Variants in USP9Y observed in about 807,000 individuals in gnomAD.
USP9Y encodes ubiquitin specific peptidase 9 Y-linked.
USP9Y carries 41 observed loss-of-function variants against 53.1 expected under a neutral mutation model. That is an observed-to-expected ratio of 0.77 (90% CI 0.60 to 1.00). The LOEUF (loss-of-function observed/expected upper bound fraction) is 1.00, where lower values mean the gene tolerates loss of function less well. Among genes scored for constraint, USP9Y ranks in the 50% least tolerant of loss-of-function variants. The pLI, the probability that USP9Y is intolerant of heterozygous loss-of-function variation, is 0.00. For missense variants in USP9Y, 567 were observed against 535.8 expected, an observed-to-expected ratio of 1.06 and a Z score of -0.58; for synonymous variants, 220 against 173.7, an observed-to-expected ratio of 1.27 and a Z score of -2.09.
In USP9Y at chrY:12,823,453, G is replaced by C. The variant is rs1603202480; in HGVS notation, c.5021+4843G>C. ...CTTAGTCTTTCATCATTAAAACCTT[G>C]TCTTAGACAAGCTTGTCCAACCTGC... On this transcript the variant is annotated intron_variant, in intron 33 of 45. Transcript: ENST00000338981. 2.1e-4 allele frequency among the ~76,000 whole-genome samples: 7 copies of C among 33,260 alleles called. No homozygotes were observed. In the East Asian group the frequency reaches 5.5e-3, roughly 26 times the overall value. 89.2% of individuals were successfully genotyped at this position (33,260 alleles called of 37,273 possible).
intron 18 of USP9Y, among the ~76,000 whole-genome samples, chrY:12,776,069 C>T (rs938715298): frequency 6.3e-5 from 2 of 31,793 alleles, no homozygotes; most frequent in Admixed American, 2.9e-4. Context: ...TGGGCTCATG[C>T]TATCGTCCCT....
chrY:12,859,826 A>G lies in USP9Y; in HGVS notation c.*410A>G. On this transcript the variant is annotated 3_prime_UTR_variant, in exon 46 of 46. Transcript: ENST00000338981. ...TGGTCAACTTACCAACTTCCCCCCA[A>G]AAAAGGGAACATAAAAGAGCCCATC... 2.7e-5 allele frequency: 1 copy of G among 37,686 alleles called. No individual in the cohort carries two copies. 9.4% of individuals were successfully genotyped at this position (37,686 alleles called of 400,897 possible).
intron 32 of USP9Y, 49 bp from the exon 33 acceptor site, chrY:12,818,371 A>G: frequency 3.0e-6 from 1 of 328,219 alleles, no homozygotes; most frequent in Non-Finnish European, 4.5e-6. Flanking sequence ...TTCTTTCGTT[A>G]TACTGTTAAA....
chrY:12,826,202 C>T (rs1569392036), intron 33 of USP9Y, among the ~76,000 whole-genome samples: 3 of 31,454 alleles, frequency 9.5e-5, no homozygotes, highest in Admixed American at 5.9e-4. Flanking sequence ...CCTCCCAAAG[C>T]GCTGGGATTA....
chrY:12,713,980 C>T (rs2148279390), intron 3 of USP9Y, among the ~76,000 whole-genome samples: 1 of 25,974 alleles, frequency 3.9e-5, no homozygotes, highest in African/African-American at 1.5e-4. Flanking sequence ...GCAACCTCCA[C>T]CTCCCAGGTT....
chrY:12,722,138 A>T lies in USP9Y; in HGVS notation c.276A>T (p.Lys92Asn). 1 of 397,185 alleles carries T rather than the reference A, an allele frequency of 2.5e-6. No homozygotes were observed. Among genetic ancestry groups the T allele is most frequent in the Non-Finnish European group, 3.5e-6 (1 of 282,504 alleles). Residue 92 changes from lysine (K) to asparagine (N), a missense_variant, in exon 5 of 46, where the codon AAA becomes AAT. Coordinates refer to ENST00000338981, the MANE Select transcript of USP9Y (RefSeq NM_004654.4). The stretch of plus-strand genomic sequence containing the variant: ...GATGGGTGGTTCCTGTTTTGCCAAA[A>T]GGGGAATTAGAAGTGCTTTTAGAAG... ...RPRWVVPVLP[K>N]GELEVLLEAA...
intron 33 of USP9Y, among the ~76,000 whole-genome samples, chrY:12,820,105 A>G (rs2053539842): frequency 3.1e-5 from 1 of 32,739 alleles, no homozygotes; most frequent in East Asian, 7.8e-4. Context: ...GGGAGACCCT[A>G]TCTCAAAAAA....
chrY:12,731,009 A>G, intron 7 of USP9Y, among the ~76,000 whole-genome samples: 1 of 32,829 alleles, frequency 3.0e-5, no homozygotes, highest in South Asian at 6.8e-4. Flanking sequence ...CATAATTTCA[A>G]TTCTTCAGAT....
At chrY:12,770,062 G>A (rs2053484383) in intron 15 of USP9Y, among the ~76,000 whole-genome samples, 1 of 33,483 alleles carries the variant, frequency 3.0e-5, no homozygotes, top group Non-Finnish European at 7.4e-5. Flanking sequence ...GATTACAGGC[G>A]TGAGCCACCG....
intron 7 of USP9Y, among the ~76,000 whole-genome samples, chrY:12,729,565 G>A (rs1603196540): frequency 3.1e-5 from 1 of 32,168 alleles, no homozygotes; most frequent in African/African-American, 1.2e-4. Context: ...CTCAGCCTCC[G>A]GAGTAGCTAG....
chrY:12,760,034 T>C (rs2148284045), intron 14 of USP9Y, among the ~76,000 whole-genome samples: 1 of 34,170 alleles, frequency 2.9e-5, no homozygotes, highest in South Asian at 6.4e-4. Flanking sequence ...ATAGATGCAG[T>C]ACATACACTT....
In USP9Y at chrY:12,840,210, A is replaced by C. The variant is rs373906119; in HGVS notation, c.5684A>C (p.Gln1895Pro). The change falls in exon 36 of 46, where the codon CAG (glutamine) becomes CCG (proline). Residue 1895 changes from glutamine to proline, a missense_variant. By Grantham distance (76) the Gln-to-Pro change is moderately conservative. Transcript: ENST00000338981. ...YIIQRNGKDD[Q>P]TDHWYKFDDG... The stretch of plus-strand genomic sequence containing the variant: ...ATTCAAAGGAATGGTAAAGATGATC[A>C]GACAGATCACTGGTATAAATTTGAT... 5 of 396,420 alleles carry C rather than the reference A, an allele frequency of 1.3e-5. No individual in the cohort carries two copies. The African/African-American group carries it at 3.2e-4, about 25-fold the overall frequency.
intron 3 of USP9Y, among the ~76,000 whole-genome samples, chrY:12,718,486 T>C: frequency 2.9e-5 from 1 of 33,903 alleles, no homozygotes; most frequent in Non-Finnish European, 7.3e-5. Context: ...AATGTATGCA[T>C]AATATACAGG....
chrY:12,825,275 G>A, intron 33 of USP9Y, among the ~76,000 whole-genome samples: 3 of 32,865 alleles, frequency 9.1e-5, no homozygotes, highest in Non-Finnish European at 1.5e-4. Flanking sequence ...ACAGATAGGC[G>A]TAGCAATAGA....
At chrY:12,805,772 C>A in intron 27 of USP9Y, among the ~76,000 whole-genome samples, 1 of 33,557 alleles carries the variant, frequency 3.0e-5, no homozygotes, top group South Asian at 6.8e-4. Flanking sequence ...CACAATTCTG[C>A]CAACTGCACC....
At chrY:12,819,047 C>T (rs2148289890) in intron 33 of USP9Y, among the ~76,000 whole-genome samples, 9 of 33,043 alleles carry the variant, frequency 2.7e-4, no homozygotes, top group African/African-American at 9.5e-4. Flanking sequence ...GGTGTGGTGG[C>T]GCATGCCTGT....
Position 12,816,184 on chromosome Y carries a change from G to A in USP9Y, c.4670G>A (p.Gly1557Glu). 2.5e-6 allele frequency: 1 copy of A among 398,706 alleles called. No individual in the cohort carries two copies. The highest frequency in any genetic ancestry group is 3.5e-6 in the Non-Finnish European group (1 of 283,576). ...LPPVGPRPPK[G>E]FVGLKNAGAT... is the part of the protein sequence containing the mutation. ...CCTGTTGGACCCCGCCCACCAAAAG[G>A]ATTTGTGGGACTCAAAAATGCTGGT... The change falls in exon 32 of 46, where the codon GGA becomes GAA. Residue 1557 changes from glycine (G) to glutamate (E), a missense_variant. Physicochemically the swap from Gly to Glu is moderately conservative, Grantham distance 98 (BLOSUM62 -2). Coordinates refer to ENST00000338981, the MANE Select transcript of USP9Y (RefSeq NM_004654.4).
chrY:12,713,794 T>G, intron 3 of USP9Y, among the ~76,000 whole-genome samples: 9 of 31,447 alleles, frequency 2.9e-4, no homozygotes, highest in South Asian at 7.0e-4. Context: ...TTTTGTTTTT[T>G]TTTTGGCATT....
At chrY:12,727,448 C>T in intron 7 of USP9Y, among the ~76,000 whole-genome samples, 1 of 32,912 alleles carries the variant, frequency 3.0e-5, no homozygotes, top group African/African-American at 1.2e-4. Context: ...AATTACACAT[C>T]AAAAAGCCAG....
Sources: allele counts gnomAD v4.1 joint callset (sites outside exome capture counted in the v4.1 genomes callset), GRCh38; gene constraint gnomAD v4.1.1; transcripts MANE v1.5; gene names NCBI Gene and HGNC (gene_info 2026-07-23, HGNC 2026-07-21).